Variants in HDAC4 observed in about 807,000 individuals in gnomAD.
HDAC4 encodes the protein histone deacetylase A.
In HDAC4, 16 loss-of-function variants were observed where a neutral mutation model predicts 135.1. That is an observed-to-expected ratio of 0.12 (90% CI 0.08 to 0.18). HDAC4 has a LOEUF of 0.18. HDAC4 is among the 10% of genes least tolerant of loss of function. HDAC4 has a pLI of 1.00. For missense variants in HDAC4, 1,143 were observed against 1,511.8 expected (o/e 0.76, Z 4.05); for synonymous variants, 685 against 653.4 (o/e 1.05, Z -0.74).
At chr2:239,184,414 A>G (rs2044365887) in intron 4 of HDAC4, among the ~76,000 whole-genome samples, 1 of 125,304 alleles carries the variant, frequency 8.0e-6, no homozygotes. Context: ...GCTGTGCCCT[A>G]TGGGGGGGTC....
chr2:239,077,402 G>C (rs77938905), intron 22 of HDAC4, among the ~76,000 whole-genome samples: 119 of 152,322 alleles, frequency 7.8e-4, no homozygotes, highest in African/African-American at 2.8e-3. Flanking sequence ...AGGTCTTACC[G>C]GGCCTGCCTA....
intron 2 of HDAC4, among the ~76,000 whole-genome samples, chr2:239,330,282 C>T (rs573797757): frequency 1.3e-5 from 2 of 152,380 alleles, no homozygotes; most frequent in East Asian, 3.9e-4. Context: ...GAGGTCCAAC[C>T]AGGCCCCAGG....
chr2:239,139,792 G>T lies in HDAC4; in HGVS notation c.870C>A (p.Ser290=). 1 of 1,612,936 alleles carries T rather than the reference G, an allele frequency of 6.2e-7. No individual in the cohort carries two copies. Among genetic ancestry groups the T allele is most frequent in the South Asian group, 1.1e-5 (1 of 91,076 alleles). Residue 290 remains serine (S), a synonymous_variant, in exon 9 of 27, where the codon TCC becomes TCA. Transcript: ENST00000543185. This position sits in a 1 kb window ranked among gnomAD's most constrained non-coding sequence, Gnocchi z 5.3. ...LKKRPLDVTD[S]ACSSAPGSGP... is the part of the protein sequence containing the mutation. ...CGGAGCCTGGGGCGCTGCTGCACGC[G>T]GAGTCTGCGGAGGCAGAAATACCCT...
chr2:239,281,313 A>T (rs1479032767), intron 2 of HDAC4, among the ~76,000 whole-genome samples: 2 of 111,470 alleles, frequency 1.8e-5, no homozygotes, highest in African/African-American at 6.1e-5. Context: ...CACTCTACAC[A>T]CAATGTACAC....
At position 239,306,719 on chromosome 2, in the gene HDAC4, A is replaced by G. The variant is rs1559350094; in HGVS notation, c.22+45959T>C. On this transcript the variant is annotated intron_variant, in intron 2 of 26. Transcript: ENST00000543185. This position sits in a 1 kb window ranked among gnomAD's most constrained non-coding sequence, Gnocchi z 4.5. ...AGAGCATCCAGGGCCCAGGGCCCAC[A>G]GGGTTTTACATGGTGAAAAGGGGTA... Among the ~76,000 whole-genome samples, 1 of 151,792 alleles carries G rather than the reference A, an allele frequency of 6.6e-6. No individual in the cohort carries two copies. The highest frequency in any genetic ancestry group is 1.5e-5 in the Non-Finnish European group (1 of 67,926).
intron 22 of HDAC4, among the ~76,000 whole-genome samples, chr2:239,077,843 G>A (rs190468413): frequency 6.6e-6 from 1 of 152,280 alleles, no homozygotes; most frequent in Non-Finnish European, 1.5e-5. Context: ...CGGAAGGAAC[G>A]AACATTCAAG....
At chr2:239,155,054 C>T (rs1304572880) in intron 7 of HDAC4, 2 of 152,678 alleles carry the variant, frequency 1.3e-5, no homozygotes, top group South Asian at 2.1e-4. Flanking sequence ...CTGTTATGAC[C>T]CACTCCTCCA....
chr2:239,385,508 GC>G (rs1325805652), intron 1 of HDAC4, among the ~76,000 whole-genome samples: 2,585 of 152,314 alleles, frequency 0.017, 75 homozygotes, highest in African/African-American at 0.059. Context: ...GAAATGAGTG[GC>G]CACAGGGGCC....
intron 2 of HDAC4, among the ~76,000 whole-genome samples, chr2:239,345,131 C>T (rs913760586): frequency 1.3e-5 from 2 of 152,148 alleles, no homozygotes; most frequent in Non-Finnish European, 2.9e-5. Flanking sequence ...CATTACCTCC[C>T]GCCACCTTGT....
At chr2:239,075,223 CAAAAAAAAAAAAAAA>C (rs67188784) in intron 22 of HDAC4, among the ~76,000 whole-genome samples, 1 of 31,748 alleles carries the variant, frequency 3.1e-5, no homozygotes, top group Non-Finnish European at 6.0e-5. Context: ...GACTCCGTCT[CAAAAAAAAAAAAAAA>C]AAAAAAAAAA....
chr2:239,173,484 G>A (rs552954), intron 5 of HDAC4, among the ~76,000 whole-genome samples: 77,950 of 151,902 alleles, frequency 0.51, 20,756 homozygotes, highest in South Asian at 0.72. Flanking sequence ...GAGCAAACAA[G>A]GAATGGAAGG....
chr2:239,067,741 C>T lies in HDAC4; in HGVS notation c.2869+748G>A, dbSNP rs568116611. 3.9e-5 allele frequency among the ~76,000 whole-genome samples: 6 copies of T among 152,300 alleles called. No individual in the cohort carries two copies. The South Asian group carries it at 8.3e-4, about 21-fold the overall frequency. ...CTCAGGTCTCCTGGGTGAGCCACAC[C>T]CTCCCCACGCAAGGACCTGAGAGAC... is the stretch of plus-strand genomic sequence containing the variant. On this transcript the variant is annotated intron_variant, in intron 23 of 26. Transcript: ENST00000543185.
intron 1 of HDAC4, among the ~76,000 whole-genome samples, chr2:239,375,711 C>T (rs1694958079): frequency 6.6e-6 from 1 of 152,198 alleles, no homozygotes; most frequent in African/African-American, 2.4e-5. Flanking sequence ...TGGAAGATCG[C>T]ATGGGGACGC....
intron 1 of HDAC4, among the ~76,000 whole-genome samples, chr2:239,396,978 T>C (rs1408915889): frequency 6.6e-6 from 1 of 152,240 alleles, no homozygotes; most frequent in Non-Finnish European, 1.5e-5. Context: ...GTCTTCTAGT[T>C]CTGCAGTCCC....
chr2:239,252,376 G>C (rs551623780), intron 2 of HDAC4, among the ~76,000 whole-genome samples: 2 of 152,342 alleles, frequency 1.3e-5, no homozygotes, highest in South Asian at 4.1e-4. Context: ...CAGTGCCACA[G>C]ATAGCCTATG....
chr2:239,119,907 C>A (rs987155447), intron 12 of HDAC4, among the ~76,000 whole-genome samples: 1 of 151,880 alleles, frequency 6.6e-6, no homozygotes, highest in Non-Finnish European at 1.5e-5. Context: ...GAGGCTGGGT[C>A]CAGCGGCAGT....
At chr2:239,118,386 G>A (rs2039329786) in intron 12 of HDAC4, among the ~76,000 whole-genome samples, 1 of 152,224 alleles carries the variant, frequency 6.6e-6, no homozygotes, top group Non-Finnish European at 1.5e-5. Flanking sequence ...TGGGTGTCGG[G>A]GCGGGCCGGC....
chr2:239,200,018 G>A lies in HDAC4; in HGVS notation c.95-9941C>T, dbSNP rs377039978. Among the ~76,000 whole-genome samples the A allele has an allele frequency of 5.3e-5, 8 of 152,150 alleles. No individual in the cohort carries two copies. In the East Asian group the frequency reaches 5.8e-4, roughly 11 times the overall value. On this transcript the variant is annotated intron_variant, in intron 3 of 26. Transcript: ENST00000543185. Reference sequence around the variant, plus strand: ...CTCCCAAAGTGCTGGGATTACAGGCGTGAGCCACCGCGCCCAGCCCTCTTC... The same window carrying A: ...CTCCCAAAGTGCTGGGATTACAGGCATGAGCCACCGCGCCCAGCCCTCTTC...
At chr2:239,282,450 T>C (rs1323067200) in intron 2 of HDAC4, among the ~76,000 whole-genome samples, 2 of 145,500 alleles carry the variant, frequency 1.4e-5, no homozygotes, top group Non-Finnish European at 3.0e-5. Flanking sequence ...GCACTCTCAA[T>C]GTACATACCA....
Sources: gnomAD v4.1 joint callset for allele counts (sites outside exome capture counted in the v4.1 genomes callset) on GRCh38, gnomAD v4.1.1 for gene constraint, Gnocchi (gnomAD v3.1) non-coding constraint, MANE v1.5 for transcripts, NCBI Gene and HGNC (gene_info 2026-07-23, HGNC 2026-07-21) for gene names.